DLGAP2: variants seen among roughly 807,000 people sequenced by gnomAD.
DLGAP2 encodes the protein DLG associated protein 2.
Under a neutral mutation model 100.3 loss-of-function variants are expected in DLGAP2, and 26 were observed. The ratio of observed to expected loss-of-function variants is 0.26; its 90% confidence interval spans 0.19 to 0.36. The LOEUF (loss-of-function observed/expected upper bound fraction) is 0.36. Among genes scored for constraint, DLGAP2 ranks in the 10% least tolerant of loss-of-function variants. DLGAP2 has a pLI of 1.00. For synonymous variants in DLGAP2, 886 were observed against 630.1 expected, an observed-to-expected ratio of 1.41 and a Z score of -6.08; for missense variants, 1,858 against 1,453.2, an observed-to-expected ratio of 1.28 and a Z score of -4.53.
chr8:1,210,347 C>T (rs1373941943), intron 2 of DLGAP2, among the ~76,000 whole-genome samples: 3 of 109,722 alleles, frequency 2.7e-5, no homozygotes, highest in Non-Finnish European at 5.1e-5. Context: ...CCAGATGAAA[C>T]CAGTGCAGTG....
chr8:867,402 G>T (rs559408784), intron 1 of DLGAP2, among the ~76,000 whole-genome samples: 13 of 152,208 alleles, frequency 8.5e-5, no homozygotes, highest in Non-Finnish European at 1.5e-4. Flanking sequence ...AGGAAGCCTG[G>T]TTGGAGGAGG....
chr8:1,006,065 T>G (rs1043431677), intron 2 of DLGAP2, among the ~76,000 whole-genome samples: 1 of 152,106 alleles, frequency 6.6e-6, no homozygotes, highest in Non-Finnish European at 1.5e-5. Context: ...GGCGGGCACC[T>G]GTAATCACAG....
In DLGAP2 at chr8:879,450, T is replaced by A. The variant is rs185190467; in HGVS notation, c.19-28462T>A. Among the ~76,000 whole-genome samples, 36 of 152,162 alleles carry A rather than the reference T, an allele frequency of 2.4e-4. No individual in the cohort carries two copies. The East Asian group carries it at 5.4e-3, about 23-fold the overall frequency. On this transcript the variant is annotated intron_variant, in intron 1 of 14. Coordinates refer to ENST00000637795, the MANE Select transcript of DLGAP2 (RefSeq NM_001346810.2). ...AGGTGTCACTTTCCCCAGGTGGGGGTGTTGAGCGCTAGGCTCAGTTTGTCC... is the reference window on the plus strand; with the variant it reads ...AGGTGTCACTTTCCCCAGGTGGGGGAGTTGAGCGCTAGGCTCAGTTTGTCC...
intron 1 of DLGAP2, among the ~76,000 whole-genome samples, chr8:860,788 C>G (rs959207905): frequency 2.0e-5 from 3 of 152,208 alleles, no homozygotes; most frequent in African/African-American, 7.2e-5. Flanking sequence ...CGTGTGCACC[C>G]TGTGTGGCGG....
intron 14 of DLGAP2, among the ~76,000 whole-genome samples, chr8:1,699,264 T>G (rs912381187): frequency 3.9e-5 from 6 of 151,952 alleles, no homozygotes; most frequent in African/African-American, 1.2e-4. Context: ...GAGGTCAGGA[T>G]ATCAAGACCA....
intron 2 of DLGAP2, among the ~76,000 whole-genome samples, chr8:1,069,794 T>C (rs1301241054): frequency 6.6e-6 from 1 of 152,076 alleles, no homozygotes; most frequent in Non-Finnish European, 1.5e-5. Context: ...CAAGATGAGG[T>C]GCAGCCACAA....
At chr8:908,917 T>C (rs925342330) in intron 2 of DLGAP2, among the ~76,000 whole-genome samples, 1 of 152,248 alleles carries the variant, frequency 6.6e-6, no homozygotes, top group Non-Finnish European at 1.5e-5. Context: ...CTATGGTAAT[T>C]AGAAGAATTT....
At chr8:757,339 G>A (rs1254818135) in intron 1 of DLGAP2, among the ~76,000 whole-genome samples, 2 of 152,166 alleles carry the variant, frequency 1.3e-5, no homozygotes, top group Non-Finnish European at 2.9e-5. Context: ...GCCCATCTGT[G>A]AAAAATGCTA....
At chr8:1,264,524 C>T (rs1324657622) in intron 3 of DLGAP2, among the ~76,000 whole-genome samples, 1 of 152,056 alleles carries the variant, frequency 6.6e-6, no homozygotes, top group African/African-American at 2.4e-5. Context: ...ATTTATACTA[C>T]CTGTATGTTG....
chr8:1,176,032 G>C (rs903491125), intron 2 of DLGAP2, among the ~76,000 whole-genome samples: 19 of 152,144 alleles, frequency 1.2e-4, no homozygotes, highest in African/African-American at 4.3e-4. Context: ...CTTCCCAGAT[G>C]GATAAGCCCA....
At chr8:1,311,959 T>C (rs960500008) in intron 3 of DLGAP2, among the ~76,000 whole-genome samples, 18 of 152,314 alleles carry the variant, frequency 1.2e-4, no homozygotes, top group African/African-American at 4.3e-4. Context: ...TGCTGGAGAT[T>C]TTGAGTGTCT....
intron 1 of DLGAP2, among the ~76,000 whole-genome samples, chr8:795,854 C>CGTCCGGTGAGAGCAGCT (rs1563035055): frequency 6.2e-5 from 6 of 97,186 alleles, no homozygotes; most frequent in Non-Finnish European, 8.5e-5. Context: ...TGAGAGCAGG[C>CGTCCGGTGAGAGCAGCT]GTCCAGTGAG....
In DLGAP2 at chr8:1,245,276, A is replaced by G. The variant is rs540335911; in HGVS notation, c.74-13575A>G. ...GAGAAATGAAACATATGTCCACTAA[A>G]AAAACTCATACCTGATTGCTTACAG... On this transcript the variant is annotated intron_variant, in intron 2 of 14. Transcript: ENST00000637795. Among the ~76,000 whole-genome samples the G allele has an allele frequency of 3.3e-5, 5 of 152,368 alleles. No homozygotes were observed. The East Asian group carries it at 9.6e-4, about 29-fold the overall frequency.
intron 3 of DLGAP2, among the ~76,000 whole-genome samples, chr8:1,409,719 C>T (rs888738827): frequency 3.9e-5 from 6 of 152,130 alleles, no homozygotes; most frequent in East Asian, 1.9e-4. Flanking sequence ...GGGCCTCCCC[C>T]AGTCCATGAG....
intron 12 of DLGAP2, among the ~76,000 whole-genome samples, chr8:1,684,200 CAG>C (rs1799053424): frequency 6.6e-6 from 1 of 151,496 alleles, no homozygotes; most frequent in African/African-American, 2.4e-5. Context: ...ACACAAGGAA[CAG>C]AGAATGGATG....
intron 3 of DLGAP2, among the ~76,000 whole-genome samples, chr8:1,498,828 T>A (rs76615285): frequency 0.036 from 5,413 of 152,066 alleles, 284 homozygotes; most frequent in African/African-American, 0.12. Flanking sequence ...AGGCTGAAAA[T>A]ACAAAGCCTC....
chr8:1,371,666 A>G (rs1424070650), intron 3 of DLGAP2, among the ~76,000 whole-genome samples: 1 of 152,242 alleles, frequency 6.6e-6, no homozygotes, highest in Non-Finnish European at 1.5e-5. Flanking sequence ...TTTGAGGTGA[A>G]TAAATCATTG....
intron 2 of DLGAP2, among the ~76,000 whole-genome samples, chr8:1,184,164 C>G (rs1797450206): frequency 6.6e-6 from 1 of 152,218 alleles, no homozygotes; most frequent in African/African-American, 2.4e-5. Flanking sequence ...CTCTTTTATG[C>G]AACCGTCATG....
intron 4 of DLGAP2, among the ~76,000 whole-genome samples, chr8:1,533,398 C>A (rs1048896315): frequency 6.6e-6 from 1 of 151,752 alleles, no homozygotes; most frequent in East Asian, 2.0e-4. Flanking sequence ...CCGAGCTACT[C>A]GGCAGGCTGA....
Sources: gnomAD v4.1 joint callset for allele counts (sites outside exome capture counted in the v4.1 genomes callset) on GRCh38, gnomAD v4.1.1 for gene constraint, MANE v1.5 for transcripts, NCBI Gene and HGNC (gene_info 2026-07-23, HGNC 2026-07-21) for gene names.